The following TNRC18 variants were observed in gnomAD, a reference collection of about 807,000 sequenced individuals.
TNRC18 encodes the protein trinucleotide repeat-containing gene 18 protein.
A neutral mutation model predicts 226.7 loss-of-function variants in TNRC18; 69 were observed. The ratio of observed to expected loss-of-function variants is 0.30; its 90% CI spans 0.25 to 0.37. TNRC18 has a LOEUF of 0.37. Among genes scored for constraint, TNRC18 ranks in the 10% least tolerant of loss-of-function variants. The probability of loss-of-function intolerance (pLI) is 1.00; values close to 1 mark genes in which losing one functional copy is unlikely to be tolerated. For synonymous variants in TNRC18, 2,449 were observed against 1,927.6 expected (o/e 1.27, Z -7.09); for missense variants, 4,754 against 4,256.6 (o/e 1.12, Z -3.25).
intron 18 of TNRC18, among the ~76,000 whole-genome samples, chr7:5,339,038 C>T (rs1010426578): frequency 2.6e-5 from 4 of 151,772 alleles, no homozygotes; most frequent in East Asian, 1.9e-4. Flanking sequence ...TGGCTCACAC[C>T]TGTAGTCCCA....
Position 5,389,230 on chromosome 7 carries a change from G to T in TNRC18, c.594C>A (p.Gly198=). The part of the protein sequence containing the change: ...GGHSSGAPAK[G]SSSRDGPAKE... ...TGGCTGGACCGTCCCGCGACGACGA[G>T]CCTTTGGCCGGGGCGCCCGAGGAGT... The change falls in exon 5 of 30, where the codon GGC becomes GGA. Residue 198 remains glycine (G), a synonymous_variant. Transcript: ENST00000430969. 1 of 1,335,522 alleles carries T rather than the reference G, an allele frequency of 7.5e-7. No homozygotes were observed. Among genetic ancestry groups the T allele is most frequent in the Non-Finnish European group, 9.6e-7 (1 of 1,045,198 alleles). 82.7% of individuals were successfully genotyped at this position (1,335,522 alleles called of 1,614,324 possible).
chr7:5,374,544 G>T, intron 9 of TNRC18, 60 bp from the exon 10 acceptor site: 1 of 1,483,814 alleles, frequency 6.7e-7, no homozygotes. Flanking sequence ...CCCGACGCCC[G>T]CACCTGCCCT....
Position 5,324,829 on chromosome 7 carries a change from G to A in TNRC18, c.6300+267C>T, listed in dbSNP as rs1347126949. 1.3e-5 allele frequency among the ~76,000 whole-genome samples: 2 copies of A among 152,168 alleles called. No homozygotes were observed. The highest frequency in any genetic ancestry group is 3.8e-4 in the East Asian group (2 of 5,196). Reference sequence around the variant, plus strand: ...CTGTGAGGACCTGGTGCTGGGCTGGGGGCCTGTCACCCAGGTCTCCTGGTC... The same window carrying A: ...CTGTGAGGACCTGGTGCTGGGCTGGAGGCCTGTCACCCAGGTCTCCTGGTC... On this transcript the variant is annotated intron_variant, in intron 20 of 29. Transcript: ENST00000430969. This position sits in a 1 kb window ranked among gnomAD's most constrained non-coding sequence, Gnocchi z 4.8.
chr7:5,404,991 G>A (rs978894436), intron 2 of TNRC18, among the ~76,000 whole-genome samples: 18 of 152,048 alleles, frequency 1.2e-4, no homozygotes, highest in African/African-American at 4.1e-4. Context: ...GGCTGCATGC[G>A]CCTGTAGTCC....
chr7:5,390,202 GAA>G, intron 4 of TNRC18: 1 of 517,178 alleles, frequency 1.9e-6, no homozygotes, highest in South Asian at 3.3e-5. Flanking sequence ...CACCTCTACA[GAA>G]AAGTTAAAAA....
chr7:5,370,523 C>T lies in TNRC18; in HGVS notation c.4071G>A (p.Leu1357=). 6.2e-7 allele frequency: 1 copy of T among 1,601,540 alleles called. No homozygotes were observed. The highest frequency in any genetic ancestry group is 8.5e-7 in the Non-Finnish European group (1 of 1,174,452). Residue 1357 remains leucine (L), a synonymous_variant, in exon 11 of 30, where the codon CTG becomes CTA. Coordinates refer to ENST00000430969, the MANE Select transcript of TNRC18 (RefSeq NM_001080495.3). ...AAAELPQARP[L]PSPGAAGAQA... is the part of the protein sequence containing the mutation. ...GGGCTCCAGCAGCACCCGGGGAGGG[C>T]AGAGGCCTGGCCTGGGGCAGCTCCG...
intron 2 of TNRC18, among the ~76,000 whole-genome samples, chr7:5,419,602 A>G (rs2128224647): frequency 6.6e-6 from 1 of 152,280 alleles, no homozygotes; most frequent in Non-Finnish European, 1.5e-5. Context: ...ACACGCCACT[A>G]GAGAACAAAC....
chr7:5,397,206 C>A (rs1780750910), intron 2 of TNRC18, among the ~76,000 whole-genome samples: 2 of 152,164 alleles, frequency 1.3e-5, no homozygotes, highest in Non-Finnish European at 2.9e-5. Flanking sequence ...GCAGCAGGGC[C>A]TCCAAGCCCT....
intron 2 of TNRC18, among the ~76,000 whole-genome samples, chr7:5,406,443 T>C (rs983423372): frequency 1.8e-4 from 27 of 150,652 alleles, no homozygotes; most frequent in Admixed American, 1.3e-3. Flanking sequence ...GCCTGGGTAA[T>C]AGAGCGAGAC....
chr7:5,370,413 G>A lies in TNRC18; in HGVS notation c.4181C>T (p.Ala1394Val), dbSNP rs368065450. The change falls in exon 11 of 30, where the codon GCA (alanine) becomes GTA (valine). Residue 1394 changes from alanine (A) to valine (V), a missense_variant. Physicochemically the swap from Ala to Val is moderately conservative, Grantham distance 64 (BLOSUM62 0). Coordinates refer to ENST00000430969, the MANE Select transcript of TNRC18 (RefSeq NM_001080495.3). ...LHGITLLSEI[A>V]ELELERRSQE... ...GCTCCTCCTCTCCAGCTCCAGCTCT[G>A]CGATCTCACTTAGCAGGGTGATGCC... The A allele has an allele frequency of 5.2e-6, 8 of 1,551,956 alleles. No homozygotes were observed. The African/African-American group carries it at 1.1e-4, about 21-fold the overall frequency.
chr7:5,357,317 A>C (rs776500307), intron 15 of TNRC18, 41 bp from the exon 16 acceptor site: 3 of 1,567,084 alleles, frequency 1.9e-6, no homozygotes, highest in Admixed American at 1.9e-5. Flanking sequence ...AGATCTGACA[A>C]AACAGTATAG....
intron 3 of TNRC18, among the ~76,000 whole-genome samples, chr7:5,393,534 G>C (rs7791840): frequency 0.53 from 79,796 of 151,956 alleles, 21,237 homozygotes; most frequent in Admixed American, 0.57. Context: ...GGGAGGGCCG[G>C]AAGAGCCCTA....
Position 5,352,012 on chromosome 7 carries a change from G to A in TNRC18, c.5277C>T (p.Ser1759=), listed in dbSNP as rs1791875602. ...TCTTTGCCACCATGCTACACAGGAG[G>A]GAAGGCGTCAGTTTGGAGCTGGAGG... ...QGPSSSKLTP[S]LLCSMVAKNS... Residue 1759 remains serine (S), a synonymous_variant, in exon 17 of 30, where the codon TCC becomes TCT. Transcript: ENST00000430969. The A allele has an allele frequency of 1.9e-6, 3 of 1,613,894 alleles. No homozygotes were observed. Among genetic ancestry groups the A allele is most frequent in the Non-Finnish European group, 1.7e-6 (2 of 1,179,886 alleles).
intron 19 of TNRC18, among the ~76,000 whole-genome samples, chr7:5,326,684 G>A (rs886991267): frequency 4.6e-5 from 7 of 152,132 alleles, no homozygotes; most frequent in Admixed American, 3.9e-4. Context: ...GCGGGTGCCT[G>A]TAATCTCAGC....
intron 3 of TNRC18, among the ~76,000 whole-genome samples, chr7:5,391,382 G>T (rs1235092446): frequency 2.6e-5 from 4 of 151,838 alleles, no homozygotes; most frequent in Non-Finnish European, 5.9e-5. Context: ...CAGGATCTCG[G>T]TTCACTGCAA....
intron 5 of TNRC18, among the ~76,000 whole-genome samples, chr7:5,380,429 G>A (rs576072889): frequency 1.3e-5 from 2 of 152,284 alleles, no homozygotes; most frequent in African/African-American, 4.8e-5. Flanking sequence ...CTAGGCCACA[G>A]AGCATCTCCC....
intron 2 of TNRC18, among the ~76,000 whole-genome samples, chr7:5,406,738 C>G (rs1781490760): frequency 6.6e-6 from 1 of 151,468 alleles, no homozygotes; most frequent in African/African-American, 2.4e-5. Context: ...GTAATTGAAG[C>G]TACTCAGGAG....
Position 5,356,897 on chromosome 7 carries a change from C to T in TNRC18, c.5194+19G>A, listed in dbSNP as rs1196342443. ...GAGAGAAGCAGCGGACCAGAGGTGG[C>T]GCGGCATACGCTACTTACTGTAAGA... On this transcript the variant is annotated intron_variant, in intron 16 of 29. Coordinates refer to ENST00000430969, the MANE Select transcript of TNRC18 (RefSeq NM_001080495.3). 6 of 1,507,534 alleles carry T rather than the reference C, an allele frequency of 4.0e-6. No individual in the cohort carries two copies. Among genetic ancestry groups the T allele is most frequent in the Admixed American group, 2.2e-5 (1 of 45,384 alleles). 93.4% of individuals were successfully genotyped at this position (1,507,534 alleles called of 1,614,324 possible).
chr7:5,343,161 C>T (rs1790846252), intron 18 of TNRC18, among the ~76,000 whole-genome samples: 1 of 152,148 alleles, frequency 6.6e-6, no homozygotes. Flanking sequence ...CGAGACCAGC[C>T]TGGCCAAGAT....
Sources: gnomAD v4.1 joint callset for allele counts (sites outside exome capture counted in the v4.1 genomes callset) on GRCh38, gnomAD v4.1.1 for gene constraint, Gnocchi (gnomAD v3.1) non-coding constraint, MANE v1.5 for transcripts, NCBI Gene and HGNC (gene_info 2026-07-23, HGNC 2026-07-21) for gene names.